The following PTH1R variants were observed in gnomAD, a reference collection of about 807,000 sequenced individuals.
PTH1R encodes the protein parathyroid hormone/parathyroid hormone-related peptide receptor.
PTH1R carries 32 observed loss-of-function variants against 70.7 expected under a neutral mutation model. The ratio of observed to expected loss-of-function variants is 0.45; its 90% CI spans 0.34 to 0.61. The LOEUF is 0.61. Ranked by LOEUF, PTH1R falls within the 20% of genes least tolerant of loss-of-function variation. The probability of loss-of-function intolerance (pLI) is 0.01; values close to 1 mark genes in which losing one functional copy is unlikely to be tolerated. For synonymous variants in PTH1R, 329 were observed against 324.8 expected (o/e 1.01, Z -0.14); for missense variants, 626 against 792.5 (o/e 0.79, Z 2.52).
chr3:46,897,756 A>G, intron 5 of PTH1R, 99 bp from the exon 6 acceptor site: 3 of 1,163,796 alleles, frequency 2.6e-6, no homozygotes, highest in Non-Finnish European at 3.8e-6. Context: ...AAACAAAAAC[A>G]AAAACAAACA....
intron 3 of PTH1R, among the ~76,000 whole-genome samples, chr3:46,887,729 G>T (rs529620564): frequency 2.0e-5 from 3 of 152,202 alleles, no homozygotes; most frequent in African/African-American, 7.2e-5. Flanking sequence ...TACATATTTT[G>T]ACGTAAATGT....
chr3:46,893,791 C>A lies in PTH1R; in HGVS notation c.76-116C>A. ...CCACATGCAGGGGAAATCCCACCTT[C>A]CCTCTAGAGTCAGGGCCTTTTGAAA... On this transcript the variant is annotated intron_variant, in intron 3 of 15. Coordinates refer to ENST00000449590, the MANE Select transcript of PTH1R (RefSeq NM_000316.3). The surrounding 1 kb of genome is among the most constrained non-coding windows in gnomAD (Gnocchi z 5.2). 1.1e-6 allele frequency: 1 copy of A among 911,072 alleles called. No individual in the cohort carries two copies. The highest frequency in any genetic ancestry group is 1.4e-5 in the South Asian group (1 of 70,208). The allele number at this position is 911,072 out of a possible 1,614,324, so 56.4% of individuals were successfully genotyped here. A position where few individuals can be genotyped will look rare whatever the true frequency, so the allele number is the denominator to read the frequency against.
At position 46,902,895 on chromosome 3, in the gene PTH1R, T is replaced by A; in HGVS notation, c.1395+105T>A. On this transcript the variant is annotated intron_variant, in intron 15 of 15. Transcript: ENST00000449590. This position sits in a 1 kb window ranked among gnomAD's most constrained non-coding sequence, Gnocchi z 5.4. Reference sequence around the variant, plus strand: ...TTCCACCCTGTTATTTCTTTGTTCCTCCAAGAACACCCCTGAGGACATTCT... The same window carrying A: ...TTCCACCCTGTTATTTCTTTGTTCCACCAAGAACACCCCTGAGGACATTCT... The A allele has an allele frequency of 6.8e-7, 1 of 1,476,196 alleles. No homozygotes were observed. The allele number at this position is 1,476,196 out of a possible 1,614,324, so 91.4% of individuals were successfully genotyped here.
chr3:46,886,638 T>A (rs1342636018), intron 3 of PTH1R, among the ~76,000 whole-genome samples: 1 of 152,178 alleles, frequency 6.6e-6, no homozygotes, highest in Non-Finnish European at 1.5e-5. Flanking sequence ...ATTACAGGCG[T>A]GAGCCACCAC....
Position 46,883,397 on chromosome 3 carries a change from T to G in PTH1R, c.-48-115T>G, listed in dbSNP as rs2030788384. 2 of 187,944 alleles carry G rather than the reference T, an allele frequency of 1.1e-5. No individual in the cohort carries two copies. The highest frequency in any genetic ancestry group is 1.9e-4 in the East Asian group (1 of 5,130). 11.6% of individuals were successfully genotyped at this position (187,944 alleles called of 1,614,324 possible). A position where few individuals can be genotyped will look rare whatever the true frequency, so the allele number is the denominator to read the frequency against. On this transcript the variant is annotated intron_variant, in intron 2 of 15. Transcript: ENST00000449590. The surrounding 1 kb of genome is among the most constrained non-coding windows in gnomAD (Gnocchi z 6.4). ...CGCTCGCTCGCTCGCCCTCAGCGCA[T>G]GGGCCCCGCGCCGGGCCCCGGGGCC... is the stretch of plus-strand genomic sequence containing the variant.
At position 46,899,227 on chromosome 3, in the gene PTH1R, G is replaced by GCCCCAGCC. The variant is rs889678343; in HGVS notation, c.835-66_835-59dup. On this transcript the variant is annotated intron_variant, in intron 9 of 15. Coordinates refer to ENST00000449590, the MANE Select transcript of PTH1R (RefSeq NM_000316.3). Reference sequence around the variant, plus strand: ...CCGGCACCACTTGTCCTCTCCTGCCGCCCCAGCCCCCCAGCCCAGCCCTGA... The same window carrying GCCCCAGCC: ...CCGGCACCACTTGTCCTCTCCTGCCGCCCCAGCCCCCCAGCCCCCCAGCCCAGCCCTGA... 20 of 1,599,034 alleles carry GCCCCAGCC rather than the reference G, an allele frequency of 1.3e-5. 1 individual carries two copies. Among genetic ancestry groups the GCCCCAGCC allele is most frequent in the Non-Finnish European group, 1.7e-5 (20 of 1,171,960 alleles).
chr3:46,898,382 T>C lies in PTH1R; in HGVS notation c.548T>C (p.Val183Ala), dbSNP rs1216360583. 1.2e-6 allele frequency: 2 copies of C among 1,612,574 alleles called. No individual in the cohort carries two copies. ...FLTNETRERE[V>A]FDRLGMIYTV... is the part of the protein sequence containing the mutation. ...GTCTCCCCCCGCCCCGCACAGGAGG[T>C]GTTTGACCGCCTGGGCATGATTTAC... Residue 183 changes from valine to alanine, a missense_variant, in exon 8 of 16, where the codon GTG becomes GCG. Physicochemically the swap from Val to Ala is moderately conservative, Grantham distance 64 (BLOSUM62 0). Transcript: ENST00000449590.
At position 46,892,193 on chromosome 3, in the gene PTH1R, C is replaced by T. The variant is rs2031454461; in HGVS notation, c.76-1714C>T. 1.3e-5 allele frequency among the ~76,000 whole-genome samples: 2 copies of T among 152,176 alleles called. No homozygotes were observed. The highest frequency in any genetic ancestry group is 4.1e-4 in the South Asian group (2 of 4,830). ...ACGTGAGGATCTGCTCCAGCCCTTC[C>T]TGGGGTCCATAGTACCAGCGGAGAT... On this transcript the variant is annotated intron_variant, in intron 3 of 15. Coordinates refer to ENST00000449590, the MANE Select transcript of PTH1R (RefSeq NM_000316.3). The surrounding 1 kb of genome is among the most constrained non-coding windows in gnomAD (Gnocchi z 5.2).
rs2031787658 is a variant in PTH1R, at chr3:46,896,926, T to A, written c.314-929T>A. ...TCACAGCAGGTACTCAGGGCAGGCA[T>A]TGAGTGGTGGTAGAAGCATGGGCCA... On this transcript the variant is annotated intron_variant, in intron 5 of 15. Transcript: ENST00000449590. This position sits in a 1 kb window ranked among gnomAD's most constrained non-coding sequence, Gnocchi z 4.1. Among the ~76,000 whole-genome samples the A allele has an allele frequency of 6.6e-6, 1 of 152,038 alleles. No individual in the cohort carries two copies.
In PTH1R at chr3:46,895,803, G is replaced by A; in HGVS notation, c.247G>A (p.Ala83Thr). 1.2e-6 allele frequency: 2 copies of A among 1,614,150 alleles called. No individual in the cohort carries two copies. Among genetic ancestry groups the A allele is most frequent in the Admixed American group, 1.7e-5 (1 of 60,020 alleles). The part of the protein sequence containing the change: ...STSGKPRKDK[A>T]SGKLYPESEE... Reference sequence around the variant, plus strand: ...ATCAGGGAAGCCCAGGAAAGATAAGGCATCTGGGAAGCTCTACCCTGAGTC... The same window carrying A: ...ATCAGGGAAGCCCAGGAAAGATAAGACATCTGGGAAGCTCTACCCTGAGTC... Residue 83 changes from alanine (A) to threonine (T), a missense_variant, in exon 5 of 16, where the codon GCA becomes ACA. Transcript: ENST00000449590.
chr3:46,902,152 A>G lies in PTH1R; in HGVS notation c.1211+292A>G, dbSNP rs78376544. On this transcript the variant is annotated intron_variant, in intron 13 of 15. Transcript: ENST00000449590. The surrounding 1 kb of genome is among the most constrained non-coding windows in gnomAD (Gnocchi z 5.4). ...CAAAGAGTTGGTTGCAGGGGGTCTG[A>G]GGAACAGGTAGGCGGTGAGTGGCCC... Among the ~76,000 whole-genome samples, 10,645 of 152,262 alleles carry G rather than the reference A, an allele frequency of 0.07. 809 individuals are homozygous for G. Among genetic ancestry groups the G allele is most frequent in the African/African-American group, 0.2 (8,116 of 41,534 alleles).
rs879260808 is a variant in PTH1R at position 46,891,942 on chromosome 3, T to C, written c.76-1965T>C. On this transcript the variant is annotated intron_variant, in intron 3 of 15. Coordinates refer to ENST00000449590, the MANE Select transcript of PTH1R (RefSeq NM_000316.3). The surrounding 1 kb of genome is among the most constrained non-coding windows in gnomAD (Gnocchi z 4.3). ...AATGGTAGTTAATGGGTGCTGTAAA[T>C]GGAGTGAGGTGGACAGGGATCAGCC... Among the ~76,000 whole-genome samples, 1 of 152,000 alleles carries C rather than the reference T, an allele frequency of 6.6e-6. No individual in the cohort carries two copies. Among genetic ancestry groups the C allele is most frequent in the African/African-American group, 2.4e-5 (1 of 41,344 alleles).
In PTH1R at chr3:46,892,862, G is replaced by A. The variant is rs2031514197; in HGVS notation, c.76-1045G>A. ...TCAGGGGACATACCCCTGCCCAGGG[G>A]TCTGAGGAAACACGACCCTGAATTA... On this transcript the variant is annotated intron_variant, in intron 3 of 15. Transcript: ENST00000449590. This position sits in a 1 kb window ranked among gnomAD's most constrained non-coding sequence, Gnocchi z 5.2. The A allele has an allele frequency of 1.1e-6, 1 of 951,998 alleles. No individual in the cohort carries two copies. The highest frequency in any genetic ancestry group is 1.8e-5 in the African/African-American group (1 of 56,778). The allele number at this position is 951,998 out of a possible 1,614,324, so 59.0% of individuals were successfully genotyped here.
Position 46,898,786 on chromosome 3 carries a change from C to A in PTH1R, c.763C>A (p.Arg255Ser), listed in dbSNP as rs2031927717. The A allele has an allele frequency of 6.2e-7, 1 of 1,600,450 alleles. No individual in the cohort carries two copies. The change falls in exon 9 of 16, where the codon CGC (arginine) becomes AGC (serine). Residue 255 changes from arginine to serine, a missense_variant. Physicochemically the swap from Arg to Ser is moderately radical, Grantham distance 110. Coordinates refer to ENST00000449590, the MANE Select transcript of PTH1R (RefSeq NM_000316.3). ...TGGCGCCACGCTTGATGAGGCTGAG[C>A]GCCTCACCGAGGAGGAGCTGCGCGC... ...YSGATLDEAE[R>S]LTEEELRAIA... is the part of the protein sequence containing the mutation.
chr3:46,902,778 C>T lies in PTH1R; in HGVS notation c.1383C>T (p.Phe461=). Reference sequence around the variant, plus strand: ...TTTTTGTCGCAATCATATACTGTTTCTGCAATGGCGAGGTAAGCAGGAGAC... The same window carrying T: ...TTTTTGTCGCAATCATATACTGTTTTTGCAATGGCGAGGTAAGCAGGAGAC... ...QGFFVAIIYC[F]CNGEVQAEIK... Residue 461 remains phenylalanine (F), a synonymous_variant, in exon 15 of 16, where the codon TTC becomes TTT. Transcript: ENST00000449590. This position sits in a 1 kb window ranked among gnomAD's most constrained non-coding sequence, Gnocchi z 5.4. The T allele has an allele frequency of 1.2e-6, 2 of 1,613,870 alleles. No individual in the cohort carries two copies. Among genetic ancestry groups the T allele is most frequent in the Non-Finnish European group, 8.5e-7 (1 of 1,180,018 alleles).
chr3:46,893,930 T>G lies in PTH1R; in HGVS notation c.99T>G (p.Thr33=). Residue 33 remains threonine (T), a synonymous_variant, in exon 4 of 16, where the codon ACT becomes ACG. Transcript: ENST00000449590. This position sits in a 1 kb window ranked among gnomAD's most constrained non-coding sequence, Gnocchi z 5.2. ...YALVDADDVM[T]KEEQIFLLHR... ...AGGTGGATGCAGATGACGTCATGACTAAAGAGGAACAGATCTTCCTGCTGC... is the reference window on the plus strand; with the variant it reads ...AGGTGGATGCAGATGACGTCATGACGAAAGAGGAACAGATCTTCCTGCTGC... 2 of 1,614,032 alleles carry G rather than the reference T, an allele frequency of 1.2e-6. No individual in the cohort carries two copies. Among genetic ancestry groups the G allele is most frequent in the Middle Eastern group, 3.3e-4 (2 of 6,062 alleles).
chr3:46,898,547 C>A (rs2031905883), intron 8 of PTH1R, 75 bp downstream of exon 8: 3 of 1,599,092 alleles, frequency 1.9e-6, no homozygotes, highest in Non-Finnish European at 2.6e-6. Context: ...GCGACCCCCT[C>A]CCTGCACCCA....
chr3:46,897,718 C>T (rs759433453), intron 5 of PTH1R, 137 bp from the exon 6 acceptor site: 5 of 827,838 alleles, frequency 6.0e-6, no homozygotes, highest in East Asian at 2.7e-5. Context: ...GCAACAAAAG[C>T]GAAACTCCGT....
intron 10 of PTH1R, 104 bp downstream of exon 10, chr3:46,899,560 C>A: frequency 1.4e-6 from 2 of 1,420,520 alleles, no homozygotes; most frequent in Admixed American, 2.0e-5. Context: ...ACATCCCGCC[C>A]CAAGTGGAAC....
Sources: allele counts gnomAD v4.1 joint callset (sites outside exome capture counted in the v4.1 genomes callset), GRCh38; gene constraint gnomAD v4.1.1; non-coding constraint Gnocchi (gnomAD v3.1); transcripts MANE v1.5; gene names NCBI Gene and HGNC (gene_info 2026-07-23, HGNC 2026-07-21).